DACH1: variants seen among roughly 807,000 people sequenced by gnomAD.
DACH1 encodes dachshund family transcription factor 1, also known as dachshund homolog 1.
A neutral mutation model predicts 54.2 loss-of-function variants in DACH1; 12 were observed. The observed-to-expected ratio is 0.22, with a 90% CI of 0.14 to 0.36. The LOEUF is 0.36. Among genes scored for constraint, DACH1 ranks in the 10% least tolerant of loss-of-function variants. DACH1 has a pLI of 1.00. For missense variants in DACH1, 805 were observed against 929.8 expected (o/e 0.87, Z 1.75); for synonymous variants, 386 against 366.2 (o/e 1.05, Z -0.62).
intron 6 of DACH1, among the ~76,000 whole-genome samples, chr13:71,548,666 C>G (rs925580806): frequency 2.6e-5 from 4 of 152,128 alleles, no homozygotes; most frequent in Admixed American, 1.3e-4. Context: ...CCTGTAATCT[C>G]AGCACTTTGG....
chr13:71,836,737 A>G (rs947917682), intron 1 of DACH1, among the ~76,000 whole-genome samples: 1 of 152,018 alleles, frequency 6.6e-6, no homozygotes, highest in African/African-American at 2.4e-5. Context: ...GGTAGGCCTC[A>G]TTCTGACCAC....
At chr13:71,838,986 T>C (rs1888910271) in intron 1 of DACH1, among the ~76,000 whole-genome samples, 1 of 152,176 alleles carries the variant, frequency 6.6e-6, no homozygotes, top group South Asian at 2.1e-4. Flanking sequence ...CTTTTGACAC[T>C]AGTTATTATC....
intron 6 of DACH1, among the ~76,000 whole-genome samples, chr13:71,500,805 C>T (rs1015901642): frequency 6.6e-6 from 1 of 151,832 alleles, no homozygotes; most frequent in Non-Finnish European, 1.5e-5. Context: ...CTCACTCAAA[C>T]TTCTATCTAA....
At chr13:71,580,782 T>C (rs1872782995) in intron 3 of DACH1, among the ~76,000 whole-genome samples, 1 of 152,130 alleles carries the variant, frequency 6.6e-6, no homozygotes, top group South Asian at 2.1e-4. Flanking sequence ...ATCCACTTTA[T>C]CTGCTCATCT....
intron 1 of DACH1, among the ~76,000 whole-genome samples, chr13:71,683,682 C>T (rs1375183744): frequency 6.6e-6 from 1 of 152,134 alleles, no homozygotes; most frequent in Non-Finnish European, 1.5e-5. Context: ...ATTACTTTCT[C>T]ATGATTGCTG....
intron 10 of DACH1, among the ~76,000 whole-genome samples, chr13:71,458,604 C>T (rs1379724623): frequency 6.6e-6 from 1 of 151,690 alleles, no homozygotes; most frequent in Non-Finnish European, 1.5e-5. Flanking sequence ...GATCTTACAG[C>T]CAACAAAGCT....
At chr13:71,714,132 T>G (rs1472065615) in intron 1 of DACH1, among the ~76,000 whole-genome samples, 6 of 152,090 alleles carry the variant, frequency 3.9e-5, no homozygotes, top group South Asian at 2.1e-4. Context: ...TTCCTGAATA[T>G]TATTTCATAT....
chr13:71,511,125 C>A (rs2138257480), intron 6 of DACH1, among the ~76,000 whole-genome samples: 1 of 152,074 alleles, frequency 6.6e-6, no homozygotes, highest in Non-Finnish European at 1.5e-5. Flanking sequence ...CAAGGACTAA[C>A]AAGGGAGGTC....
At position 71,857,428 on chromosome 13, in the gene DACH1, C is replaced by T. The variant is rs535217040; in HGVS notation, c.848+8494G>A. 1.1e-4 allele frequency among the ~76,000 whole-genome samples: 16 copies of T among 151,716 alleles called. No individual in the cohort carries two copies. In the South Asian group the frequency reaches 2.9e-3, roughly 27 times the overall value. On this transcript the variant is annotated intron_variant, in intron 1 of 10. Coordinates refer to ENST00000613252, the MANE Select transcript of DACH1 (RefSeq NM_080759.6). ...TTTTCCTAAGTTATTTGTCCTGTGG[C>T]CCTACATCCTACAGGTGTATATGTT...
At chr13:71,762,768 C>CAA (rs34543654) in intron 1 of DACH1, among the ~76,000 whole-genome samples, 5,798 of 70,486 alleles carry the variant, frequency 0.082, 475 homozygotes, top group Non-Finnish European at 0.11. Flanking sequence ...AACTTTGTCT[C>CAA]AAAAAAAAAA....
intron 6 of DACH1, among the ~76,000 whole-genome samples, chr13:71,555,229 C>A (rs1410816173): frequency 6.6e-6 from 1 of 152,078 alleles, no homozygotes; most frequent in Non-Finnish European, 1.5e-5. Flanking sequence ...TAGCTCAACC[C>A]TAGTGGAGAA....
rs869289138 is a variant in DACH1, at chr13:71,693,296, C to CTTTTTTTTTTT, written c.849-11397_849-11387dup. On this transcript the variant is annotated intron_variant, in intron 1 of 10. Transcript: ENST00000613252. ...AATACCCTCTTATCCATTTGTTTTG[C>CTTTTTTTTTTT]TTTTTTTTTTTTTTTTTTTTTTTGA... Among the ~76,000 whole-genome samples, 526 of 90,940 alleles carry CTTTTTTTTTTT rather than the reference C, an allele frequency of 5.8e-3. 33 individuals are homozygous for CTTTTTTTTTTT. The highest frequency in any genetic ancestry group is 6.9e-3 in the African/African-American group (134 of 19,412). 59.7% of individuals were successfully genotyped at this position (90,940 alleles called of 152,430 possible).
intron 6 of DACH1, among the ~76,000 whole-genome samples, chr13:71,509,097 C>G (rs1306503196): frequency 6.6e-6 from 1 of 152,082 alleles, no homozygotes; most frequent in Non-Finnish European, 1.5e-5. Context: ...AGGTGCATTG[C>G]TTTTGACTGA....
intron 1 of DACH1, among the ~76,000 whole-genome samples, chr13:71,733,399 C>T (rs545359984): frequency 1.3e-5 from 2 of 152,110 alleles, no homozygotes; most frequent in South Asian, 4.2e-4. Flanking sequence ...CCAAGCTGGT[C>T]TTGAAGTCCT....
intron 1 of DACH1, among the ~76,000 whole-genome samples, chr13:71,697,963 A>G (rs1003338251): frequency 6.6e-6 from 1 of 152,248 alleles, no homozygotes; most frequent in African/African-American, 2.4e-5. Flanking sequence ...TAAGAATGAC[A>G]TTAATGCCAG....
At chr13:71,561,476 C>T (rs1425234961) in intron 4 of DACH1, among the ~76,000 whole-genome samples, 1 of 152,100 alleles carries the variant, frequency 6.6e-6, no homozygotes, top group African/African-American at 2.4e-5. Context: ...AGAGATTAAA[C>T]TTGTGCAGCT....
chr13:71,716,022 C>G (rs539356089), intron 1 of DACH1, among the ~76,000 whole-genome samples: 1 of 152,054 alleles, frequency 6.6e-6, no homozygotes, highest in African/African-American at 2.4e-5. Flanking sequence ...AACTTCTTAT[C>G]TTCTACCTTA....
chr13:71,679,761 G>C (rs1880784632), intron 2 of DACH1, among the ~76,000 whole-genome samples: 1 of 151,886 alleles, frequency 6.6e-6, no homozygotes, highest in South Asian at 2.1e-4. Context: ...GAGGCGGATG[G>C]ATCATGAGGT....
At chr13:71,595,210 G>C in intron 3 of DACH1, among the ~76,000 whole-genome samples, 1 of 152,068 alleles carries the variant, frequency 6.6e-6, no homozygotes, top group East Asian at 1.9e-4. Context: ...GCAATGTTAA[G>C]GAGCCCTGTT....
Sources: allele counts gnomAD v4.1 joint callset (sites outside exome capture counted in the v4.1 genomes callset), GRCh38; gene constraint gnomAD v4.1.1; transcripts MANE v1.5; gene names NCBI Gene and HGNC (gene_info 2026-07-23, HGNC 2026-07-21).